The following GRAMD1B variants were observed in gnomAD, a reference collection of about 807,000 sequenced individuals.
GRAMD1B encodes the protein protein Aster-B.
In GRAMD1B, 37 loss-of-function variants were observed where a neutral mutation model predicts 99.7. The ratio of observed to expected loss-of-function variants is 0.37; its 90% CI spans 0.29 to 0.49. The LOEUF (loss-of-function observed/expected upper bound fraction) is 0.49. GRAMD1B is among the 20% of genes least tolerant of loss of function. The pLI, the probability that GRAMD1B is intolerant of heterozygous loss-of-function variation, is 0.98. For synonymous variants in GRAMD1B, 427 were observed against 387.6 expected, an observed-to-expected ratio of 1.10 and a Z score of -1.19; for missense variants, 888 against 1,009.2, an observed-to-expected ratio of 0.88 and a Z score of 1.63.
intron 6 of GRAMD1B, 140 bp from the exon 7 acceptor site, chr11:123,595,802 C>T: frequency 1.8e-6 from 1 of 563,020 alleles, no homozygotes; most frequent in Non-Finnish European, 3.2e-6. Flanking sequence ...ACCAGATGAT[C>T]ACCAATGCGG....
chr11:123,519,549 T>C (rs1321966476), intron 2 of GRAMD1B, among the ~76,000 whole-genome samples: 3 of 152,176 alleles, frequency 2.0e-5, no homozygotes, highest in Admixed American at 2.0e-4. Flanking sequence ...GCCTGATGAC[T>C]CCCCTGCCTG....
intron 2 of GRAMD1B, among the ~76,000 whole-genome samples, chr11:123,487,174 A>G (rs532461967): frequency 6.6e-6 from 1 of 152,348 alleles, no homozygotes; most frequent in African/African-American, 2.4e-5. Context: ...CAGCCTTATC[A>G]GGTACATGCC....
upstream of GRAMD1B, among the ~76,000 whole-genome samples, chr11:123,428,181 G>A (rs1361469116): frequency 6.6e-6 from 1 of 152,124 alleles, no homozygotes; most frequent in Non-Finnish European, 1.5e-5. Context: ...CCAAAACTCA[G>A]GTTCCTTGAA....
chr11:123,467,957 G>A lies in GRAMD1B; in HGVS notation c.375-12859G>A, dbSNP rs184573368. Reference sequence around the variant, plus strand: ...GAGTTCACTGCAACCTCTGCCTCCCGGGTTCAGGCGATTCTCCTGCCTCAG... The same window carrying A: ...GAGTTCACTGCAACCTCTGCCTCCCAGGTTCAGGCGATTCTCCTGCCTCAG... On this transcript the variant is annotated intron_variant, in intron 1 of 19. Coordinates refer to ENST00000635736, the MANE Select transcript of GRAMD1B (RefSeq NM_001387025.1). Among the ~76,000 whole-genome samples the A allele has an allele frequency of 1.7e-3, 254 of 151,770 alleles. 1 individual carries two copies. Among genetic ancestry groups the A allele is most frequent in the African/African-American group, 5.9e-3 (245 of 41,364 alleles).
intron 11 of GRAMD1B, 143 bp downstream of exon 11, chr11:123,606,941 A>T (rs188655225): frequency 9.6e-6 from 6 of 622,478 alleles, no homozygotes; most frequent in African/African-American, 1.8e-5. Flanking sequence ...GGTACCTGTT[A>T]TTAGTTTACA....
At chr11:123,480,990 T>C (rs1403134827) in intron 2 of GRAMD1B, 97 bp downstream of exon 2, 1 of 396,990 alleles carries the variant, frequency 2.5e-6, no homozygotes, top group Non-Finnish European at 4.4e-6. Context: ...TGCAAAAAAA[T>C]GTGGAAAACT....
intron 2 of GRAMD1B, among the ~76,000 whole-genome samples, chr11:123,549,680 G>A (rs138957625): frequency 1.9e-4 from 29 of 152,314 alleles, no homozygotes; most frequent in South Asian, 1.0e-3. Flanking sequence ...CCATGGTCAC[G>A]CAGCAGTGTC....
chr11:123,576,238 C>A (rs866702185), intron 2 of GRAMD1B, among the ~76,000 whole-genome samples: 1 of 152,220 alleles, frequency 6.6e-6, no homozygotes, highest in Non-Finnish European at 1.5e-5. Context: ...CCCCACTCCC[C>A]GAGGGAAGGC....
At chr11:123,618,469 C>A in intron 17 of GRAMD1B, 2 of 961,768 alleles carry the variant, frequency 2.1e-6, no homozygotes, top group South Asian at 1.3e-5. Context: ...CTTTCTAGTG[C>A]CTTCATCCCA....
At chr11:123,474,405 A>G (rs1036168428) in intron 1 of GRAMD1B, among the ~76,000 whole-genome samples, 1 of 152,196 alleles carries the variant, frequency 6.6e-6, no homozygotes, top group Non-Finnish European at 1.5e-5. Context: ...CAGGACTAGA[A>G]TGTGCGTCTC....
intron 2 of GRAMD1B, among the ~76,000 whole-genome samples, chr11:123,554,463 A>T: frequency 6.9e-6 from 1 of 144,826 alleles, no homozygotes; most frequent in East Asian, 2.2e-4. Flanking sequence ...CCAAGGTGGG[A>T]GGATCGCTTG....
chr11:123,406,467 T>TGGTGTCCA (rs1193823358), intron 1 of GRAMD1B, among the ~76,000 whole-genome samples: 1 of 152,094 alleles, frequency 6.6e-6, no homozygotes, highest in Non-Finnish European at 1.5e-5. Flanking sequence ...TTGTCCAGGC[T>TGGTGTCCA]GGTCTCGAAC....
At chr11:123,490,947 A>G (rs952566874) in intron 2 of GRAMD1B, among the ~76,000 whole-genome samples, 1 of 152,228 alleles carries the variant, frequency 6.6e-6, no homozygotes. Flanking sequence ...TCTCCTAACT[A>G]AGATCAGTGA....
chr11:123,366,062 C>A (rs1246272608), intron 1 of GRAMD1B, among the ~76,000 whole-genome samples: 1 of 152,190 alleles, frequency 6.6e-6, no homozygotes, highest in Non-Finnish European at 1.5e-5. Flanking sequence ...TTTTTGAAGT[C>A]TTTCTTCATC....
At chr11:123,508,156 A>C (rs909603832) in intron 2 of GRAMD1B, among the ~76,000 whole-genome samples, 3 of 152,180 alleles carry the variant, frequency 2.0e-5, no homozygotes, top group African/African-American at 7.2e-5. Flanking sequence ...TAAAGAACTG[A>C]AGTTTATTTA....
intron 1 of GRAMD1B, among the ~76,000 whole-genome samples, chr11:123,441,622 T>C (rs1949410657): frequency 6.7e-6 from 1 of 150,272 alleles, no homozygotes; most frequent in Admixed American, 6.6e-5. Flanking sequence ...ACCTCTATTA[T>C]AAAAGAAAAA....
chr11:123,432,401 A>G (rs111655335), intron 1 of GRAMD1B, among the ~76,000 whole-genome samples: 16,768 of 152,068 alleles, frequency 0.11, 1,064 homozygotes, highest in South Asian at 0.14. Flanking sequence ...TGTTAAAAGT[A>G]CAAAAATTAG....
intron 1 of GRAMD1B, among the ~76,000 whole-genome samples, chr11:123,366,758 T>A (rs1946333204): frequency 6.6e-6 from 1 of 152,252 alleles, no homozygotes; most frequent in Non-Finnish European, 1.5e-5. Flanking sequence ...GAAGTGCTCT[T>A]GTCTTCTATT....
At chr11:123,502,683 G>A (rs1408406625) in intron 2 of GRAMD1B, among the ~76,000 whole-genome samples, 1 of 150,438 alleles carries the variant, frequency 6.6e-6, no homozygotes, top group African/African-American at 2.4e-5. Flanking sequence ...GCTGAGGCAC[G>A]AGAATTGCTT....
Sources: gnomAD v4.1 joint callset for allele counts (sites outside exome capture counted in the v4.1 genomes callset) on GRCh38, gnomAD v4.1.1 for gene constraint, MANE v1.5 for transcripts, NCBI Gene and HGNC (gene_info 2026-07-23, HGNC 2026-07-21) for gene names.